The following AFDN variants were observed in gnomAD, a reference collection of about 807,000 sequenced individuals.
The protein encoded by AFDN is afadin, adherens junction formation factor.
In AFDN, 68 loss-of-function variants were observed where a neutral mutation model predicts 216.6. The observed-to-expected ratio is 0.31, with a 90% CI of 0.26 to 0.38. AFDN has a LOEUF of 0.38. Ranked by LOEUF, AFDN falls within the 10% of genes least tolerant of loss-of-function variation. AFDN has a pLI of 1.00. For synonymous variants in AFDN, 868 were observed against 853.7 expected (o/e 1.02, Z -0.29); for missense variants, 2,136 against 2,342.0 (o/e 0.91, Z 1.82).
At chr6:167,929,031 A>G (rs1428267031) in intron 23 of AFDN, among the ~76,000 whole-genome samples, 1 of 152,212 alleles carries the variant, frequency 6.6e-6, no homozygotes, top group Admixed American at 6.5e-5. Context: ...GGCTTCCGTG[A>G]GTCTAATGTG....
intron 5 of AFDN, among the ~76,000 whole-genome samples, chr6:167,877,671 AC>A (rs1283703964): frequency 6.6e-6 from 1 of 152,180 alleles, no homozygotes; most frequent in East Asian, 1.9e-4. Flanking sequence ...TTAACAAATA[AC>A]TTCCTCTGAA....
chr6:167,911,459 G>A lies in AFDN; in HGVS notation c.2007G>A (p.Lys669=), dbSNP rs1790384065. ...RTHKVIAVVN[K]MVSMMEGVIQ... The stretch of plus-strand genomic sequence containing the variant: ...ATAAAGTCATTGCAGTCGTCAACAA[G>A]ATGGTGAGCATGATGGAGGGTGTCA... The change falls in exon 15 of 34, where the codon AAG becomes AAA. Residue 669 remains lysine, a synonymous_variant. Transcript: ENST00000683244. 2 of 1,614,026 alleles carry A rather than the reference G, an allele frequency of 1.2e-6. No homozygotes were observed. The highest frequency in any genetic ancestry group is 3.3e-5 in the Admixed American group (2 of 60,008).
chr6:167,875,303 T>TA, intron 4 of AFDN, 32 bp from the exon 5 acceptor site: 1 of 1,589,820 alleles, frequency 6.3e-7, no homozygotes, highest in Non-Finnish European at 8.6e-7. Context: ...AAACAGTGTT[T>TA]AAAATATTTT....
intron 30 of AFDN, among the ~76,000 whole-genome samples, chr6:167,955,852 A>G (rs143307510): frequency 0.024 from 3,596 of 152,236 alleles, 61 homozygotes; most frequent in Non-Finnish European, 0.033. Flanking sequence ...ACAGTGGTTC[A>G]TGCCTGTAAT....
intron 32 of AFDN, among the ~76,000 whole-genome samples, chr6:167,967,264 T>C (rs970584818): frequency 1.2e-4 from 19 of 152,228 alleles, no homozygotes; most frequent in African/African-American, 4.6e-4. Context: ...TCGACAATTC[T>C]GAAATTGTCA....
chr6:167,965,929 C>T lies in AFDN; in HGVS notation c.5141C>T (p.Pro1714Leu), dbSNP rs1797504502. The change falls in exon 32 of 34, where the codon CCG becomes CTG. Residue 1714 changes from proline to leucine, a missense_variant. Physicochemically the swap from Pro to Leu is moderately conservative, Grantham distance 98 (BLOSUM62 -3). Coordinates refer to ENST00000683244, the MANE Select transcript of AFDN (RefSeq NM_001386888.1). ...CCCGCGCCCGGCGCCCCTCCTCCCC[C>T]GCCTCAGCGAAACGCCTCCTACCTC... ...PSPAPGAPPP[P>L]PQRNASYLKT... The T allele has an allele frequency of 1.9e-6, 3 of 1,550,684 alleles. No homozygotes were observed. The highest frequency in any genetic ancestry group is 2.6e-6 in the Non-Finnish European group (3 of 1,146,850).
At position 167,966,045 on chromosome 6, in the gene AFDN, G is replaced by A; in HGVS notation, c.5257G>A (p.Gly1753Arg). ...EEEEEDCSLAGPNSYPGSTGA... is the reference protein window; with the variant it reads ...EEEEEDCSLARPNSYPGSTGA... ...GGAGGAGGAGGACTGCAGCCTAGCA[G>A]GTCAGGATAAGTACTCCAGCACAAG... The change falls in exon 32 of 34, where the codon GGA (glycine) becomes AGA (arginine). Residue 1753 changes from glycine (G) to arginine (R), a missense_variant and splice_region_variant. Transcript: ENST00000683244. 6.5e-7 allele frequency: 1 copy of A among 1,544,140 alleles called. No homozygotes were observed. The highest frequency in any genetic ancestry group is 8.7e-7 in the Non-Finnish European group (1 of 1,146,940).
intron 1 of AFDN, among the ~76,000 whole-genome samples, chr6:167,857,454 T>C (rs1783033525): frequency 1.3e-5 from 2 of 152,102 alleles, no homozygotes; most frequent in South Asian, 4.1e-4. Flanking sequence ...GCAGGAGAAA[T>C]GTTACTTGGT....
intron 1 of AFDN, among the ~76,000 whole-genome samples, chr6:167,850,476 G>A (rs2128173289): frequency 6.6e-6 from 1 of 152,142 alleles, no homozygotes; most frequent in African/African-American, 2.4e-5. Context: ...AAAGATAGAT[G>A]GAAGCACTTT....
At chr6:167,919,345 G>A (rs141550220) in intron 21 of AFDN, among the ~76,000 whole-genome samples, 4 of 152,390 alleles carry the variant, frequency 2.6e-5, no homozygotes, top group African/African-American at 7.2e-5. Flanking sequence ...GAAGCAGACT[G>A]CCTGCATTCT....
At chr6:167,952,452 A>G (rs1796103620) in intron 30 of AFDN, 1 of 985,264 alleles carries the variant, frequency 1.0e-6, no homozygotes. Context: ...CAAACTCATA[A>G]TTATCCTTTT....
In AFDN at chr6:167,951,332, G is replaced by A. The variant is rs772072149; in HGVS notation, c.3978G>A (p.Gln1326=). 3 of 1,614,030 alleles carry A rather than the reference G, an allele frequency of 1.9e-6. No individual in the cohort carries two copies. The highest frequency in any genetic ancestry group is 2.5e-6 in the Non-Finnish European group (3 of 1,180,044). ...SSSLDSSTSS[Q]EHLNHSSKSV... is the part of the protein sequence containing the mutation. ...CACTGGACTCCAGTACCTCTAGCCA[G>A]GAGCATCTGAACCATTCCTCTAAGT... Residue 1326 remains glutamine (Q), a synonymous_variant, in exon 30 of 34, where the codon CAG becomes CAA. Transcript: ENST00000683244. The surrounding 1 kb of genome is among the most constrained non-coding windows in gnomAD (Gnocchi z 7.1).
chr6:167,967,688 G>C (rs1349533170), intron 32 of AFDN, among the ~76,000 whole-genome samples: 1 of 152,104 alleles, frequency 6.6e-6, no homozygotes, highest in East Asian at 1.9e-4. Flanking sequence ...CCGCACACAT[G>C]AAGTACCTCA....
intron 1 of AFDN, among the ~76,000 whole-genome samples, chr6:167,829,615 G>T (rs1366945171): frequency 2.0e-5 from 3 of 151,660 alleles, no homozygotes; most frequent in African/African-American, 7.3e-5. Context: ...TTTAAGCCTT[G>T]TATTTATTTA....
At chr6:167,883,192 G>C (rs1428267327) in intron 6 of AFDN, among the ~76,000 whole-genome samples, 2 of 151,968 alleles carry the variant, frequency 1.3e-5, no homozygotes, top group African/African-American at 4.8e-5. Flanking sequence ...GGAAAGTCCA[G>C]AAGATTCCTC....
intron 1 of AFDN, among the ~76,000 whole-genome samples, chr6:167,854,127 A>G (rs1018497142): frequency 6.6e-6 from 1 of 151,836 alleles, no homozygotes; most frequent in Non-Finnish European, 1.5e-5. Flanking sequence ...ATTTTTGCCA[A>G]TTTGGGTGTT....
intron 1 of AFDN, chr6:167,863,719 T>TGAGTGTCAG (rs375917024): frequency 1.8e-5 from 9 of 504,868 alleles, no homozygotes; most frequent in African/African-American, 1.7e-4. Context: ...CCCACAGTTG[T>TGAGTGTCAG]GAGTGTCAGC....
At chr6:167,828,851 T>G (rs1027443749) in intron 1 of AFDN, among the ~76,000 whole-genome samples, 2 of 151,536 alleles carry the variant, frequency 1.3e-5, no homozygotes, top group Non-Finnish European at 3.0e-5. Context: ...GAATTCAGCT[T>G]TTTGGGATTT....
chr6:167,911,746 A>G (rs1790424939), intron 15 of AFDN: 1 of 471,838 alleles, frequency 2.1e-6, no homozygotes, highest in Non-Finnish European at 3.9e-6. Flanking sequence ...AAGTGCTGAG[A>G]CTGTTGTGGG....
Sources: allele counts gnomAD v4.1 joint callset (sites outside exome capture counted in the v4.1 genomes callset), GRCh38; gene constraint gnomAD v4.1.1; non-coding constraint Gnocchi (gnomAD v3.1); transcripts MANE v1.5; gene names NCBI Gene and HGNC (gene_info 2026-07-23, HGNC 2026-07-21).